ZP3: variants seen among roughly 807,000 people sequenced by gnomAD.
ZP3 encodes the protein zona pellucida sperm-binding protein 3.
A neutral mutation model predicts 35.6 loss-of-function variants in ZP3; 21 were observed. The observed-to-expected ratio is 0.59, with a 90% CI of 0.42 to 0.85. ZP3 has a LOEUF of 0.85. Ranked by LOEUF, ZP3 falls within the 40% of genes least tolerant of loss-of-function variation. The pLI, the probability that ZP3 is intolerant of heterozygous loss-of-function variation, is 0.00. For missense variants in ZP3, 437 were observed against 536.5 expected (o/e 0.81, Z 1.83); for synonymous variants, 207 against 214.5 (o/e 0.96, Z 0.31).
At chr7:76,441,707 T>C (rs1335598788) in intron 7 of ZP3, 135 bp from the exon 8 acceptor site, 1 of 1,266,646 alleles carries the variant, frequency 7.9e-7, no homozygotes, top group East Asian at 2.4e-5. Flanking sequence ...GTGTTTTTTT[T>C]GTCTAGAAAC....
At chr7:76,412,396 T>C (rs1805270704) in intron 1 of ZP3, among the ~76,000 whole-genome samples, 1 of 152,100 alleles carries the variant, frequency 6.6e-6, no homozygotes, top group African/African-American at 2.4e-5. Flanking sequence ...TTAAGGATTG[T>C]GGAGGGCAAG....
chr7:76,423,646 G>A (rs1051673869), upstream of ZP3, among the ~76,000 whole-genome samples: 7 of 152,164 alleles, frequency 4.6e-5, no homozygotes, highest in Non-Finnish European at 7.3e-5. Flanking sequence ...GTTGGGCCAG[G>A]TGTGGTGGCT....
rs990589293 is a variant in ZP3 at position 76,428,193 on chromosome 7, C to T, written c.313-1322C>T. ...AAAAAAAAAAAAAGGCACGGTGGCACGTGCCTGTAATTCCAGCTACTCAGA... is the reference window on the plus strand; with the variant it reads ...AAAAAAAAAAAAAGGCACGGTGGCATGTGCCTGTAATTCCAGCTACTCAGA... On this transcript the variant is annotated intron_variant, in intron 1 of 7. Coordinates refer to ENST00000394857, the MANE Select transcript of ZP3 (RefSeq NM_001110354.2). 6.6e-5 allele frequency among the ~76,000 whole-genome samples: 10 copies of T among 150,546 alleles called. No individual in the cohort carries two copies. In the South Asian group the frequency reaches 1.9e-3, roughly 28 times the overall value.
chr7:76,412,187 C>CAAAAA (rs200042424), intron 1 of ZP3, among the ~76,000 whole-genome samples: 12 of 79,600 alleles, frequency 1.5e-4, no homozygotes, highest in African/African-American at 4.4e-4. Flanking sequence ...GACTCTGTCT[C>CAAAAA]AAAAAAAAAA....
chr7:76,435,460 T>C (rs1805965041), intron 5 of ZP3, among the ~76,000 whole-genome samples: 1 of 152,250 alleles, frequency 6.6e-6, no homozygotes, highest in African/African-American at 2.4e-5. Flanking sequence ...CAGCCTCAAG[T>C]AGCTTTTAAA....
At chr7:76,410,445 C>T (rs116586788) in intron 1 of ZP3, among the ~76,000 whole-genome samples, 123 of 151,040 alleles carry the variant, frequency 8.1e-4, no homozygotes, top group African/African-American at 2.9e-3. Context: ...TCCGTCTCCC[C>T]GAGTTCAAGG....
intron 1 of ZP3, among the ~76,000 whole-genome samples, chr7:76,426,064 C>T (rs1421616255): frequency 2.1e-5 from 3 of 141,682 alleles, no homozygotes; most frequent in Non-Finnish European, 4.5e-5. Flanking sequence ...GCCTAGGCAA[C>T]AGAGCGAGAC....
At chr7:76,423,021 G>GAGAGAGAGAGAGAAAGAA (rs1805546448), upstream of ZP3, among the ~76,000 whole-genome samples, 2 of 72,746 alleles carry the variant, frequency 2.7e-5, no homozygotes, top group Non-Finnish European at 5.3e-5. Flanking sequence ...GAGAGAGAGA[G>GAGAGAGAGAGAGAAAGAA]AGAGAGAAAG....
intron 7 of ZP3, among the ~76,000 whole-genome samples, chr7:76,441,428 C>T (rs1392804502): frequency 2.0e-5 from 3 of 151,720 alleles, no homozygotes; most frequent in East Asian, 3.9e-4. Flanking sequence ...TAGCTCTGTC[C>T]TCCAGGCTGG....
intron 5 of ZP3, among the ~76,000 whole-genome samples, chr7:76,436,212 G>A (rs563456709): frequency 1.1e-3 from 161 of 151,694 alleles, no homozygotes; most frequent in Non-Finnish European, 1.7e-3. Flanking sequence ...CCACTACTGA[G>A]TGCCTGTTAT....
intron 1 of ZP3, among the ~76,000 whole-genome samples, chr7:76,426,369 T>C (rs1263047279): frequency 6.6e-6 from 1 of 152,148 alleles, no homozygotes; most frequent in East Asian, 1.9e-4. Context: ...TGTGGTCCCA[T>C]GGAGGGCCTG....
intron 1 of ZP3, among the ~76,000 whole-genome samples, chr7:76,428,438 C>T (rs1376630432): frequency 6.6e-6 from 1 of 152,244 alleles, no homozygotes; most frequent in Non-Finnish European, 1.5e-5. Context: ...CATACCTTCA[C>T]TCTACTGGGG....
upstream of ZP3, among the ~76,000 whole-genome samples, chr7:76,423,686 C>A (rs1463442454): frequency 6.6e-6 from 1 of 151,930 alleles, no homozygotes; most frequent in Non-Finnish European, 1.5e-5. Flanking sequence ...CTTTGGGAGA[C>A]TGAGGTGGGC....
chr7:76,397,865 C>T, intron 1 of ZP3: 1 of 1,490,540 alleles, frequency 6.7e-7, no homozygotes, highest in Admixed American at 2.3e-5. Context: ...GGGCGCATCT[C>T]CCACTGGCCT....
intron 5 of ZP3, among the ~76,000 whole-genome samples, chr7:76,436,734 G>A (rs1806025401): frequency 6.6e-6 from 1 of 152,256 alleles, no homozygotes; most frequent in Admixed American, 6.5e-5. Flanking sequence ...GTGACCGATA[G>A]CTCCTTAGGG....
intron 1 of ZP3, among the ~76,000 whole-genome samples, chr7:76,411,951 A>G (rs1805256907): frequency 6.6e-6 from 1 of 152,068 alleles, no homozygotes; most frequent in Non-Finnish European, 1.5e-5. Flanking sequence ...TCAGCTACCC[A>G]GGAGGCTGTG....
At chr7:76,436,179 G>A (rs1296426107) in intron 5 of ZP3, among the ~76,000 whole-genome samples, 2 of 150,916 alleles carry the variant, frequency 1.3e-5, no homozygotes, top group Non-Finnish European at 2.9e-5. Context: ...AGCCTCCCAA[G>A]TAGCTGAGAT....
chr7:76,412,603 A>G (rs541243637), intron 1 of ZP3, among the ~76,000 whole-genome samples: 1 of 152,204 alleles, frequency 6.6e-6, no homozygotes, highest in Non-Finnish European at 1.5e-5. Flanking sequence ...TAATCCCAGC[A>G]CTTTGGGAGG....
intron 1 of ZP3, among the ~76,000 whole-genome samples, chr7:76,416,855 C>T (rs1394373251): frequency 6.7e-6 from 1 of 148,446 alleles, no homozygotes; most frequent in Non-Finnish European, 1.5e-5. Flanking sequence ...TACACACATA[C>T]ATATATATAC....
Sources: allele counts gnomAD v4.1 joint callset (sites outside exome capture counted in the v4.1 genomes callset), GRCh38; gene constraint gnomAD v4.1.1; transcripts MANE v1.5; gene names NCBI Gene and HGNC (gene_info 2026-07-23, HGNC 2026-07-21).